Variants in NOP53 observed in about 807,000 individuals in gnomAD.
NOP53 encodes NOP53 ribosome biogenesis factor.
A neutral mutation model predicts 61.0 loss-of-function variants in NOP53; 40 were observed. That is an observed-to-expected ratio of 0.66 (90% CI 0.51 to 0.85). The LOEUF (loss-of-function observed/expected upper bound fraction) is 0.85. Ranked by LOEUF, NOP53 falls within the 40% of genes least tolerant of loss-of-function variation. The pLI is 0.00. For missense variants in NOP53, 689 were observed against 652.9 expected (o/e 1.06, Z -0.60); for synonymous variants, 308 against 289.5 (o/e 1.06, Z -0.65).
intron 1 of NOP53, chr19:47,746,635 A>C (rs888202561): frequency 1.8e-4 from 37 of 200,334 alleles, no homozygotes; most frequent in Middle Eastern, 4.2e-3. Flanking sequence ...CTAAGGTGCT[A>C]AGATTACAGG....
chr19:47,747,781 T>C (rs906134569), intron 2 of NOP53, among the ~76,000 whole-genome samples: 144 of 10,846 alleles, frequency 0.013, no homozygotes, highest in African/African-American at 0.11. Flanking sequence ...CTCTCTCTCT[T>C]TTTTTTTTTT....
Position 47,754,620 on chromosome 19 carries a change from G to A in NOP53, c.859G>A (p.Ala287Thr). Reference protein sequence around the residue: ...RQLALPATEQAATQESTFQEL... With the variant: ...RQLALPATEQTATQESTFQEL... ...GCTGGCCCTGCCCGCCACGGAGCAGGCCGCCACCCAGGTGAGCCCCGCACC... is the reference window on the plus strand; with the variant it reads ...GCTGGCCCTGCCCGCCACGGAGCAGACCGCCACCCAGGTGAGCCCCGCACC... The change falls in exon 7 of 13, where the codon GCC becomes ACC. Residue 287 changes from alanine (A) to threonine (T), a missense_variant. Physicochemically the swap from Ala to Thr is moderately conservative, Grantham distance 58. Transcript: ENST00000246802. This position sits in a 1 kb window ranked among gnomAD's most constrained non-coding sequence, Gnocchi z 4.2. 6.5e-7 allele frequency: 1 copy of A among 1,549,300 alleles called. No individual in the cohort carries two copies. Among genetic ancestry groups the A allele is most frequent in the Non-Finnish European group, 8.7e-7 (1 of 1,147,426 alleles).
At chr19:47,746,167 T>C (rs551620816) in intron 1 of NOP53, 1 of 179,432 alleles carries the variant, frequency 5.6e-6, no homozygotes, top group African/African-American at 2.4e-5. Flanking sequence ...TATATGTGTA[T>C]ATGTGTGTGT....
intron 2 of NOP53, among the ~76,000 whole-genome samples, chr19:47,747,779 CTTTTTTTTTTTTTTTT>C (rs750831883): frequency 1.8e-5 from 1 of 56,866 alleles, no homozygotes; most frequent in Non-Finnish European, 3.1e-5. Flanking sequence ...TTCTCTCTCT[CTTTTTTTTTTTTTTTT>C]TTTTTTTTTG....
In NOP53 at chr19:47,751,074, G is replaced by C. The variant is rs771260845; in HGVS notation, c.565G>C (p.Glu189Gln). The change falls in exon 4 of 13, where the codon GAG becomes CAG. Residue 189 changes from glutamate to glutamine, a missense_variant. By Grantham distance (29) the Glu-to-Gln change is conservative (BLOSUM62 2). Coordinates refer to ENST00000246802, the MANE Select transcript of NOP53 (RefSeq NM_015710.5). ...CAAGCCCGGGCCCCAGGACACCGTA[G>C]AGCGGCCCTTCTACGACCTCTGGGC... ...RAKPGPQDTV[E>Q]RPFYDLWASD... The C allele has an allele frequency of 3.1e-6, 5 of 1,609,042 alleles. No individual in the cohort carries two copies. Among genetic ancestry groups the C allele is most frequent in the Non-Finnish European group, 4.2e-6 (5 of 1,178,432 alleles).
In NOP53 at chr19:47,754,385, CTGGTAGACGGGGTG is replaced by C; in HGVS notation, c.766-138_766-125del. On this transcript the variant is annotated intron_variant, in intron 6 of 12. Coordinates refer to ENST00000246802, the MANE Select transcript of NOP53 (RefSeq NM_015710.5). This position sits in a 1 kb window ranked among gnomAD's most constrained non-coding sequence, Gnocchi z 4.2. ...TCTGGCTCTGTGCAGGGTGGGTGTG[CTGGTAGACGGGGTG>C]TGGGGAGGAAAGCCTGGGCCGGGGC... The C allele has an allele frequency of 5.9e-6, 4 of 675,520 alleles. No homozygotes were observed. Among genetic ancestry groups the C allele is most frequent in the Non-Finnish European group, 1.1e-5 (4 of 374,830 alleles). The allele number at this position is 675,520 out of a possible 1,614,324, so 41.8% of individuals were successfully genotyped here.
chr19:47,752,014 G>A (rs1967130430), intron 5 of NOP53, among the ~76,000 whole-genome samples: 1 of 152,158 alleles, frequency 6.6e-6, no homozygotes, highest in Admixed American at 6.6e-5. Context: ...GGCTGAGGCA[G>A]GAGAATCGCT....
chr19:47,752,556 G>T lies in NOP53; in HGVS notation c.714G>T (p.Val238=). The T allele has an allele frequency of 6.2e-7, 1 of 1,611,244 alleles. No individual in the cohort carries two copies. Residue 238 remains valine, a synonymous_variant, in exon 6 of 13, where the codon GTG becomes GTT. Transcript: ENST00000246802. The stretch of plus-strand genomic sequence containing the variant: ...CCAAGCCGTCCCAGGCACCCGCCGT[G>T]GAGGTGGCGCCTGCCGGAGCTTCCT... ...LHTKPSQAPA[V]EVAPAGASYN... is the part of the protein sequence containing the mutation.
rs946333710 is a variant in NOP53, at chr19:47,752,449, G to C, written c.670-63G>C. On this transcript the variant is annotated intron_variant, in intron 5 of 12. Coordinates refer to ENST00000246802, the MANE Select transcript of NOP53 (RefSeq NM_015710.5). Reference sequence around the variant, plus strand: ...GGCCTGGAGCATCTGCCCCATGGCTGTGTCCTGGGTCACCCGCAGCCCCAA... The same window carrying C: ...GGCCTGGAGCATCTGCCCCATGGCTCTGTCCTGGGTCACCCGCAGCCCCAA... 7.9e-6 allele frequency: 8 copies of C among 1,011,852 alleles called. No homozygotes were observed. In the South Asian group the frequency reaches 9.1e-5, roughly 12 times the overall value. 62.7% of individuals were successfully genotyped at this position (1,011,852 alleles called of 1,614,324 possible).
In NOP53 at chr19:47,754,990, A is replaced by G; in HGVS notation, c.1053+99A>G. 8.8e-7 allele frequency: 1 copy of G among 1,131,318 alleles called. No individual in the cohort carries two copies. The highest frequency in any genetic ancestry group is 1.2e-6 in the Non-Finnish European group (1 of 829,074). 70.1% of individuals were successfully genotyped at this position (1,131,318 alleles called of 1,614,324 possible). On this transcript the variant is annotated intron_variant, in intron 8 of 12. Coordinates refer to ENST00000246802, the MANE Select transcript of NOP53 (RefSeq NM_015710.5). This position sits in a 1 kb window ranked among gnomAD's most constrained non-coding sequence, Gnocchi z 4.2. ...CCTGGGTGCTGCGGGCAGCCTGCAC[A>G]CCCCAAGCCCCGCATGTGGCCTGTG...
rs763793940 is a variant in NOP53 at position 47,754,919 on chromosome 19, C to T, written c.1053+28C>T. On this transcript the variant is annotated intron_variant, in intron 8 of 12. Coordinates refer to ENST00000246802, the MANE Select transcript of NOP53 (RefSeq NM_015710.5). This position sits in a 1 kb window ranked among gnomAD's most constrained non-coding sequence, Gnocchi z 4.2. Reference sequence around the variant, plus strand: ...GAGCGCCTGGGCCAGCGGGGCCTGCCTCTGATGCCTCGCCCCCTTCCTTCC... The same window carrying T: ...GAGCGCCTGGGCCAGCGGGGCCTGCTTCTGATGCCTCGCCCCCTTCCTTCC... 28 of 1,478,478 alleles carry T rather than the reference C, an allele frequency of 1.9e-5. No homozygotes were observed. In the South Asian group the frequency reaches 3.6e-4, roughly 19 times the overall value. 91.6% of individuals were successfully genotyped at this position (1,478,478 alleles called of 1,614,324 possible).
At chr19:47,749,414 T>C (rs1204704472) in intron 2 of NOP53, among the ~76,000 whole-genome samples, 1 of 152,116 alleles carries the variant, frequency 6.6e-6, no homozygotes, top group African/African-American at 2.4e-5. Flanking sequence ...TCAGCCCCTG[T>C]GCTTTGTGGG....
intron 1 of NOP53, 50 bp from the exon 2 acceptor site, chr19:47,746,917 T>G (rs1967071538): frequency 6.7e-7 from 1 of 1,500,468 alleles, no homozygotes; most frequent in African/African-American, 1.4e-5. Context: ...AGGTTAAATC[T>G]CTTTCCTCTC....
chr19:47,750,331 T>G, intron 3 of NOP53, 45 bp downstream of exon 3: 1 of 1,195,046 alleles, frequency 8.4e-7, no homozygotes, highest in Non-Finnish European at 1.3e-6. Flanking sequence ...CACCAGACTC[T>G]GGTCCTAAAG....
At chr19:47,756,770 G>A in intron 12 of NOP53, 26 bp downstream of exon 12, 2 of 1,611,328 alleles carry the variant, frequency 1.2e-6, no homozygotes, top group Admixed American at 3.3e-5. Flanking sequence ...TTCGGCGCAA[G>A]GAAGGGAGCC....
intron 5 of NOP53, among the ~76,000 whole-genome samples, chr19:47,751,875 G>T (rs1967128614): frequency 6.6e-6 from 1 of 152,182 alleles, no homozygotes; most frequent in African/African-American, 2.4e-5. Context: ...GCCGAGACAG[G>T]TGGATCACCT....
intron 2 of NOP53, among the ~76,000 whole-genome samples, chr19:47,749,154 CTG>C (rs922866928): frequency 7.4e-5 from 11 of 149,198 alleles, no homozygotes; most frequent in African/African-American, 2.3e-4. Context: ...TTACAAGACT[CTG>C]TCTCAAAAAA....
intron 12 of NOP53, 72 bp from the exon 13 acceptor site, chr19:47,756,927 A>C (rs1967208741): frequency 1.3e-6 from 2 of 1,593,102 alleles, no homozygotes; most frequent in Non-Finnish European, 1.7e-6. Context: ...ACTGAAAGGC[A>C]GGGGGTGTCA....
intron 9 of NOP53, 42 bp from the exon 10 acceptor site, chr19:47,755,714 C>T: frequency 6.5e-7 from 1 of 1,549,948 alleles, no homozygotes; most frequent in Non-Finnish European, 8.8e-7. Context: ...TGTCCTGGGC[C>T]CCGCGGGGGT....
Sources: gnomAD v4.1 joint callset for allele counts (sites outside exome capture counted in the v4.1 genomes callset) on GRCh38, gnomAD v4.1.1 for gene constraint, Gnocchi (gnomAD v3.1) non-coding constraint, MANE v1.5 for transcripts, NCBI Gene and HGNC (gene_info 2026-07-23, HGNC 2026-07-21) for gene names.